NKAIN3: variants seen among roughly 807,000 people sequenced by gnomAD.
NKAIN3 encodes the protein sodium/potassium transporting ATPase interacting 3.
A neutral mutation model predicts 30.2 loss-of-function variants in NKAIN3; 25 were observed. The ratio of observed to expected loss-of-function variants is 0.83; its 90% CI spans 0.60 to 1.16. NKAIN3 has a LOEUF of 1.16. NKAIN3 is among the 50% of genes most tolerant of loss of function. The pLI, the probability that NKAIN3 is intolerant of heterozygous loss-of-function variation, is 0.00. For missense variants in NKAIN3, 225 were observed against 254.1 expected (o/e 0.89, Z 0.78); for synonymous variants, 91 against 89.6 (o/e 1.02, Z -0.09).
chr8:62,376,749 A>G (rs1040376505), intron 1 of NKAIN3, among the ~76,000 whole-genome samples: 1 of 152,208 alleles, frequency 6.6e-6, no homozygotes, highest in African/African-American at 2.4e-5. Context: ...AAATATATTT[A>G]CACTCTATTA....
chr8:62,807,910 A>G (rs1282292798), intron 4 of NKAIN3, among the ~76,000 whole-genome samples: 1 of 151,872 alleles, frequency 6.6e-6, no homozygotes, highest in African/African-American at 2.4e-5. Flanking sequence ...TATGTTAAAA[A>G]TAGGCTATAT....
At chr8:62,364,849 A>AAAAAAAAAAAAAC (rs1563366178) in intron 1 of NKAIN3, among the ~76,000 whole-genome samples, 3 of 151,206 alleles carry the variant, frequency 2.0e-5, no homozygotes, top group Non-Finnish European at 2.9e-5. Context: ...AAAAAAAAAA[A>AAAAAAAAAAAAAC]AATCATCTAT....
intron 4 of NKAIN3, among the ~76,000 whole-genome samples, chr8:62,756,294 T>C (rs1436519229): frequency 2.6e-5 from 4 of 152,192 alleles, no homozygotes; most frequent in Non-Finnish European, 2.9e-5. Context: ...TTTCTGTCTC[T>C]ATAGACTTGC....
At chr8:62,288,485 C>T (rs749534686) in intron 1 of NKAIN3, among the ~76,000 whole-genome samples, 8 of 151,980 alleles carry the variant, frequency 5.3e-5, no homozygotes, top group Non-Finnish European at 7.4e-5. Flanking sequence ...AGTGAGAACA[C>T]GTGGTGTTTG....
At chr8:62,752,942 T>C (rs1030335554) in intron 4 of NKAIN3, among the ~76,000 whole-genome samples, 1 of 152,214 alleles carries the variant, frequency 6.6e-6, no homozygotes, top group Non-Finnish European at 1.5e-5. Context: ...TTGGTAAGGA[T>C]ACCTAGCTAC....
intron 4 of NKAIN3, among the ~76,000 whole-genome samples, chr8:62,871,419 C>A (rs1392755369): frequency 4.7e-3 from 82 of 17,530 alleles, no homozygotes; most frequent in African/African-American, 0.022. Flanking sequence ...AAAAAAAAAA[C>A]AAAAACAAAC....
chr8:62,485,072 G>T (rs1332722217), intron 1 of NKAIN3, among the ~76,000 whole-genome samples: 2 of 152,170 alleles, frequency 1.3e-5, no homozygotes, highest in East Asian at 1.9e-4. Context: ...GAACAACAGA[G>T]CCCTGCCCCT....
chr8:62,479,417 C>T (rs926036952), intron 1 of NKAIN3, among the ~76,000 whole-genome samples: 3 of 152,140 alleles, frequency 2.0e-5, no homozygotes, highest in African/African-American at 7.2e-5. Flanking sequence ...CACATGGCTT[C>T]TACATGGTGA....
intron 1 of NKAIN3, among the ~76,000 whole-genome samples, chr8:62,345,331 AT>A (rs1815904429): frequency 9.0e-5 from 1 of 11,094 alleles, no homozygotes; most frequent in Non-Finnish European, 4.4e-4. Context: ...ATATACACAT[AT>A]ATGTATATAT....
chr8:62,910,167 T>G (rs1563623466), intron 4 of NKAIN3, among the ~76,000 whole-genome samples: 1 of 152,132 alleles, frequency 6.6e-6, no homozygotes, highest in Non-Finnish European at 1.5e-5. Context: ...CCAGTTCTCT[T>G]TAGCACATAG....
intron 1 of NKAIN3, among the ~76,000 whole-genome samples, chr8:62,410,434 C>T (rs1046888659): frequency 6.6e-6 from 1 of 152,056 alleles, no homozygotes; most frequent in African/African-American, 2.4e-5. Flanking sequence ...GTATATGTGT[C>T]TTTTTGGTAT....
intron 4 of NKAIN3, among the ~76,000 whole-genome samples, chr8:62,798,983 T>G (rs533834895): frequency 9.2e-5 from 14 of 152,088 alleles, no homozygotes; most frequent in Non-Finnish European, 2.1e-4. Flanking sequence ...AGATGGGGAC[T>G]CACAGGACCA....
chr8:62,358,518 A>G (rs934287346), intron 1 of NKAIN3, among the ~76,000 whole-genome samples: 1 of 152,204 alleles, frequency 6.6e-6, no homozygotes, highest in Non-Finnish European at 1.5e-5. Context: ...TAGTTCAAAA[A>G]ATTAAACATT....
At chr8:62,420,695 A>G (rs1202261106) in intron 1 of NKAIN3, among the ~76,000 whole-genome samples, 1 of 152,190 alleles carries the variant, frequency 6.6e-6, no homozygotes, top group Admixed American at 6.5e-5. Flanking sequence ...AAGTTTGAAG[A>G]TTTATATTAA....
intron 1 of NKAIN3, among the ~76,000 whole-genome samples, chr8:62,456,937 G>A (rs980539808): frequency 1.3e-5 from 2 of 152,182 alleles, no homozygotes; most frequent in African/African-American, 2.4e-5. Flanking sequence ...GACCTTTCTC[G>A]TTGTACCATT....
intron 4 of NKAIN3, among the ~76,000 whole-genome samples, chr8:62,805,137 C>G (rs984371197): frequency 0.014 from 2,093 of 151,926 alleles, 48 homozygotes; most frequent in African/African-American, 0.049. Flanking sequence ...AACCACTGCT[C>G]AATGAAATAA....
intron 1 of NKAIN3, among the ~76,000 whole-genome samples, chr8:62,310,930 A>G (rs959271091): frequency 6.6e-6 from 1 of 150,414 alleles, no homozygotes; most frequent in Non-Finnish European, 1.5e-5. Context: ...CTCAGGTTTC[A>G]ATCCAGGATT....
chr8:62,883,461 T>TGTTTTTTTTTTTTTG (rs1821055296), intron 4 of NKAIN3, among the ~76,000 whole-genome samples: 1 of 145,094 alleles, frequency 6.9e-6, no homozygotes, highest in Non-Finnish European at 1.5e-5. Flanking sequence ...TTATGGGTTT[T>TGTTTTTTTTTTTTTG]TTTTTTTTTT....
At position 62,415,956 on chromosome 8, in the gene NKAIN3, A is replaced by G. The variant is rs565104128; in HGVS notation, c.55-163583A>G. On this transcript the variant is annotated intron_variant, in intron 1 of 6. Coordinates refer to ENST00000623646, the MANE Select transcript of NKAIN3 (RefSeq NM_001304533.3). ...GTATTTTTAGTAGAGATGGGGTTTCACCGTGTTAGCCAGATGGTCTTGATC... is the reference window on the plus strand; with the variant it reads ...GTATTTTTAGTAGAGATGGGGTTTCGCCGTGTTAGCCAGATGGTCTTGATC... Among the ~76,000 whole-genome samples, 24 of 151,974 alleles carry G rather than the reference A, an allele frequency of 1.6e-4. No individual in the cohort carries two copies. The South Asian group carries it at 5.0e-3, about 32-fold the overall frequency.
Sources: gnomAD v4.1 joint callset for allele counts (sites outside exome capture counted in the v4.1 genomes callset) on GRCh38, gnomAD v4.1.1 for gene constraint, MANE v1.5 for transcripts, NCBI Gene and HGNC (gene_info 2026-07-23, HGNC 2026-07-21) for gene names.